The following ADAM9 variants were observed in gnomAD, a reference collection of about 807,000 sequenced individuals.
ADAM9 encodes ADAM metallopeptidase domain 9, also known as disintegrin and metalloproteinase domain-containing protein 9.
ADAM9 carries 54 observed loss-of-function variants against 108.1 expected under a neutral mutation model. The observed-to-expected ratio is 0.50, with a 90% CI of 0.40 to 0.63. The LOEUF (loss-of-function observed/expected upper bound fraction) is 0.63, where lower values mean the gene tolerates loss of function less well. ADAM9 is among the 20% of genes least tolerant of loss of function. ADAM9 has a pLI of 0.00. For missense variants in ADAM9, 830 were observed against 997.7 expected (o/e 0.83, Z 2.26); for synonymous variants, 316 against 336.0 (o/e 0.94, Z 0.65).
intron 12 of ADAM9, among the ~76,000 whole-genome samples, chr8:39,048,168 G>A (rs1202804198): frequency 2.0e-5 from 3 of 152,060 alleles, no homozygotes; most frequent in Non-Finnish European, 4.4e-5. Flanking sequence ...TGATCTACCC[G>A]CCTTGGTCTG....
At chr8:39,075,875 T>A (rs1159014017) in intron 15 of ADAM9, 2 of 152,166 alleles carry the variant, frequency 1.3e-5, no homozygotes, top group Non-Finnish European at 2.9e-5. Flanking sequence ...AAACTGAAGC[T>A]CAGAAAATGT....
intron 12 of ADAM9, among the ~76,000 whole-genome samples, chr8:39,045,374 A>C: frequency 8.7e-6 from 1 of 115,398 alleles, no homozygotes. Flanking sequence ...GTGTGTGTAC[A>C]TACACCTATA....
intron 14 of ADAM9, among the ~76,000 whole-genome samples, chr8:39,064,584 A>G (rs1838397491): frequency 6.6e-6 from 1 of 152,196 alleles, no homozygotes; most frequent in Non-Finnish European, 1.5e-5. Flanking sequence ...GATTGCCAAT[A>G]GTGTAATCAG....
Position 39,016,180 on chromosome 8 carries a change from C to T in ADAM9, c.396C>T (p.Asp132=), listed in dbSNP as rs1415667589. ...GVHNSSIALS[D]CFGLRGLLHL... is the part of the protein sequence containing the mutation. The stretch of plus-strand genomic sequence containing the variant: ...ATAATTCATCCATTGCTCTTAGCGA[C>T]TGTTTTGGACTCAGGTAAGCAATTT... The change falls in exon 5 of 22, where the codon GAC becomes GAT. Residue 132 remains aspartate (D), a synonymous_variant. Coordinates refer to ENST00000487273, the MANE Select transcript of ADAM9 (RefSeq NM_003816.3). The T allele has an allele frequency of 1.2e-6, 2 of 1,613,538 alleles. No individual in the cohort carries two copies. The highest frequency in any genetic ancestry group is 1.7e-6 in the Non-Finnish European group (2 of 1,179,678).
chr8:39,080,419 A>T (rs1372197372), intron 16 of ADAM9, among the ~76,000 whole-genome samples: 1 of 152,144 alleles, frequency 6.6e-6, no homozygotes, highest in Non-Finnish European at 1.5e-5. Flanking sequence ...AGCTATGACA[A>T]TAATATTTAT....
intron 12 of ADAM9, among the ~76,000 whole-genome samples, chr8:39,048,334 G>T (rs1564308164): frequency 6.6e-6 from 1 of 152,136 alleles, no homozygotes; most frequent in Admixed American, 6.5e-5. Context: ...TCCACAGTGT[G>T]TTGTTTAATT....
chr8:39,101,766 G>T, intron 20 of ADAM9, 97 bp from the exon 21 acceptor site: 1 of 965,906 alleles, frequency 1.0e-6, no homozygotes, highest in Non-Finnish European at 1.6e-6. Flanking sequence ...TTCAACTGTA[G>T]TCTGTTTATT....
rs1473692025 is a variant in ADAM9, at chr8:39,052,722, T to C, written c.1303-1759T>C. Among the ~76,000 whole-genome samples the C allele has an allele frequency of 3.9e-5, 6 of 152,196 alleles. No homozygotes were observed. In the East Asian group the frequency reaches 1.2e-3, roughly 29 times the overall value. On this transcript the variant is annotated intron_variant, in intron 12 of 21. Transcript: ENST00000487273. ...TTTTACGATAACCTAAGTTCCTATA[T>C]ACATTATCTATTTCCTGATTCCCTA... is the stretch of plus-strand genomic sequence containing the variant.
Position 39,044,319 on chromosome 8 carries a change from T to G in ADAM9, c.1302+2202T>G, listed in dbSNP as rs557507794. ...ATTCTTTTGCATGTTGATATCCAGT[T>G]TTCCACGGGGGAAGGGACTACCTTT... On this transcript the variant is annotated intron_variant, in intron 12 of 21. Transcript: ENST00000487273. Among the ~76,000 whole-genome samples the G allele has an allele frequency of 8.0e-4, 122 of 152,348 alleles. 3 individuals carry two copies. Among genetic ancestry groups the G allele is most frequent in the Non-Finnish European group, 2.2e-4 (15 of 68,034 alleles).
rs1197360819 is a variant in ADAM9 at position 39,045,050 on chromosome 8, A to G, written c.1302+2933A>G. Among the ~76,000 whole-genome samples, 14 of 16,428 alleles carry G rather than the reference A, an allele frequency of 8.5e-4. 1 individual carries two copies. The highest frequency in any genetic ancestry group is 0.013 in the East Asian group (2 of 150). The allele number at this position is 16,428 out of a possible 152,430, so 10.8% of individuals were successfully genotyped here. A position where few individuals can be genotyped will look rare whatever the true frequency, so the allele number is the denominator to read the frequency against. Reference sequence around the variant, plus strand: ...TGTGCATACATACATATGTATGTGTATGTGTGTGTGCATACATACATATGT... The same window carrying G: ...TGTGCATACATACATATGTATGTGTGTGTGTGTGTGCATACATACATATGT... On this transcript the variant is annotated intron_variant, in intron 12 of 21. Transcript: ENST00000487273.
intron 20 of ADAM9, among the ~76,000 whole-genome samples, chr8:39,097,447 C>T (rs146266956): frequency 7.6e-4 from 115 of 152,026 alleles, no homozygotes; most frequent in African/African-American, 2.3e-3. Context: ...GCTGGGAATA[C>T]AGGCATGCGC....
chr8:39,037,093 G>A (rs1166024448), intron 11 of ADAM9, among the ~76,000 whole-genome samples: 3 of 102,998 alleles, frequency 2.9e-5, no homozygotes, highest in African/African-American at 1.2e-4. Context: ...GTCTCGCTCT[G>A]TCACCCAGGC....
At chr8:39,010,224 T>A (rs567705273) in intron 2 of ADAM9, among the ~76,000 whole-genome samples, 2 of 152,164 alleles carry the variant, frequency 1.3e-5, no homozygotes, top group Middle Eastern at 3.2e-3. Context: ...TTTCTCAGAT[T>A]TCTTTTTAGT....
rs532383569 is a variant in ADAM9, at chr8:39,089,919, A to C, written c.2069-128A>C. 5.8e-6 allele frequency: 6 copies of C among 1,039,276 alleles called. No individual in the cohort carries two copies. The African/African-American group carries it at 7.9e-5, about 14-fold the overall frequency. 64.4% of individuals were successfully genotyped at this position (1,039,276 alleles called of 1,614,324 possible). ...GAATGAACTTTGTGGAAGACTTCTC[A>C]ATATATTCAATTAATATCAGTTTGA... On this transcript the variant is annotated intron_variant, in intron 18 of 21. Transcript: ENST00000487273.
Position 39,104,159 on chromosome 8 carries a change from AAT to A in ADAM9, c.*462_*463del. On this transcript the variant is annotated 3_prime_UTR_variant, in exon 22 of 22. Coordinates refer to ENST00000487273, the MANE Select transcript of ADAM9 (RefSeq NM_003816.3). ...GACTAATCAGCTGCCAATAATATCT[AAT>A]ATTTTTCATCATGCACGAATTAATA... is the stretch of plus-strand genomic sequence containing the variant. The A allele has an allele frequency of 2.2e-6, 1 of 454,412 alleles. No individual in the cohort carries two copies. Among genetic ancestry groups the A allele is most frequent in the Admixed American group, 2.3e-5 (1 of 42,576 alleles). The allele number at this position is 454,412 out of a possible 1,614,324, so 28.1% of individuals were successfully genotyped here.
At chr8:39,081,331 C>G (rs758568070) in intron 16 of ADAM9, among the ~76,000 whole-genome samples, 3 of 152,170 alleles carry the variant, frequency 2.0e-5, no homozygotes, top group Non-Finnish European at 2.9e-5. Flanking sequence ...TCAGAACACC[C>G]TTTCTCTGGA....
chr8:39,061,071 A>G (rs1298664736), intron 14 of ADAM9, among the ~76,000 whole-genome samples: 2 of 152,338 alleles, frequency 1.3e-5, no homozygotes, highest in Admixed American at 6.5e-5. Context: ...GCACAGGGCA[A>G]ATAGGTGAAT....
chr8:39,093,411 G>C (rs960039550), intron 20 of ADAM9, among the ~76,000 whole-genome samples: 4 of 152,056 alleles, frequency 2.6e-5, no homozygotes, highest in African/African-American at 9.7e-5. Flanking sequence ...GTAGTGTATA[G>C]AAATACTAGT....
At chr8:38,997,986 GTCAGCAC>G (rs1431345033) in intron 1 of ADAM9, among the ~76,000 whole-genome samples, 1 of 152,222 alleles carries the variant, frequency 6.6e-6, no homozygotes, top group African/African-American at 2.4e-5. Flanking sequence ...GAAGCAGATT[GTCAGCAC>G]GCTGGCGTCT....
Sources: allele counts gnomAD v4.1 joint callset (sites outside exome capture counted in the v4.1 genomes callset), GRCh38; gene constraint gnomAD v4.1.1; transcripts MANE v1.5; gene names NCBI Gene and HGNC (gene_info 2026-07-23, HGNC 2026-07-21).